SYN2: variants seen among roughly 807,000 people sequenced by gnomAD.
SYN2 encodes the protein synapsin-2.
SYN2 carries 19 observed loss-of-function variants against 50.9 expected under a neutral mutation model. That is an observed-to-expected ratio of 0.37 (90% CI 0.26 to 0.55). The LOEUF (loss-of-function observed/expected upper bound fraction) is 0.55, where lower values mean the gene tolerates loss of function less well. Among genes scored for constraint, SYN2 ranks in the 20% least tolerant of loss-of-function variants. The probability of loss-of-function intolerance (pLI) is 0.81; values close to 1 mark genes in which losing one functional copy is unlikely to be tolerated. For missense variants in SYN2, 587 were observed against 576.4 expected, an observed-to-expected ratio of 1.02 and a Z score of -0.19; for synonymous variants, 255 against 224.9, an observed-to-expected ratio of 1.13 and a Z score of -1.20.
intron 1 of SYN2, among the ~76,000 whole-genome samples, chr3:12,018,793 C>G (rs1401221275): frequency 1.3e-5 from 2 of 152,184 alleles, no homozygotes; most frequent in Non-Finnish European, 2.9e-5. Context: ...GTAACAAAAA[C>G]AACAGATTTC....
At chr3:12,157,145 GT>G (rs1477992037) in intron 5 of SYN2, among the ~76,000 whole-genome samples, 4 of 152,122 alleles carry the variant, frequency 2.6e-5, no homozygotes, top group Non-Finnish European at 4.4e-5. Context: ...ATTCCAGTAG[GT>G]ACCTGTAGTG....
In SYN2 at chr3:12,136,085, A is replaced by G. The variant is rs534815694; in HGVS notation, c.378-4566A>G. ...TAGACAACCGACTTTGAAAGGTGGT[A>G]TCAGATGATGATGCTGTGAGCCAAA... is the stretch of plus-strand genomic sequence containing the variant. On this transcript the variant is annotated intron_variant, in intron 1 of 12. Coordinates refer to ENST00000621198, the MANE Select transcript of SYN2 (RefSeq NM_133625.6). Among the ~76,000 whole-genome samples, 4 of 152,366 alleles carry G rather than the reference A, an allele frequency of 2.6e-5. No individual in the cohort carries two copies. The East Asian group carries it at 5.8e-4, about 22-fold the overall frequency.
chr3:12,169,679 C>T, intron 9 of SYN2, 78 bp from the exon 10 acceptor site: 1 of 1,542,586 alleles, frequency 6.5e-7, no homozygotes, highest in East Asian at 2.3e-5. Context: ...GGCTTAATTC[C>T]TACCCATTCT....
intron 3 of SYN2, among the ~76,000 whole-genome samples, chr3:12,144,432 A>G (rs980788814): frequency 2.1e-4 from 32 of 152,312 alleles, no homozygotes; most frequent in African/African-American, 7.0e-4. Flanking sequence ...TTAAGGAGTC[A>G]GAAAAGAACA....
At chr3:12,068,703 T>A (rs1055159770) in intron 1 of SYN2, among the ~76,000 whole-genome samples, 3 of 152,190 alleles carry the variant, frequency 2.0e-5, no homozygotes, top group African/African-American at 7.2e-5. Flanking sequence ...TCTGTATTTT[T>A]AGGAAGATTT....
intron 1 of SYN2, among the ~76,000 whole-genome samples, chr3:12,087,120 A>T (rs1260777690): frequency 1.3e-5 from 2 of 152,222 alleles, no homozygotes; most frequent in East Asian, 1.9e-4. Context: ...ATAACATCAA[A>T]AAATAAATAA....
At chr3:12,173,785 G>T (rs557560544) in intron 10 of SYN2, among the ~76,000 whole-genome samples, 1 of 152,190 alleles carries the variant, frequency 6.6e-6, no homozygotes, top group East Asian at 1.9e-4. Context: ...ATGGTGGCAG[G>T]TGTCTGTAAT....
intron 1 of SYN2, among the ~76,000 whole-genome samples, chr3:12,052,919 T>G (rs544882926): frequency 7.9e-5 from 12 of 152,220 alleles, no homozygotes; most frequent in Non-Finnish European, 1.6e-4. Flanking sequence ...ACTTTGAGCT[T>G]GCTGCTGGTT....
chr3:12,068,339 C>G (rs921334874), intron 1 of SYN2, among the ~76,000 whole-genome samples: 1 of 152,184 alleles, frequency 6.6e-6, no homozygotes, highest in African/African-American at 2.4e-5. Flanking sequence ...CAGTATTGCT[C>G]CTGGGAAGTT....
At position 12,151,309 on chromosome 3, in the gene SYN2, C is replaced by G. The variant is rs746161792; in HGVS notation, c.757C>G (p.Pro253Ala). Residue 253 changes from proline to alanine, a missense_variant, in exon 5 of 13, where the codon CCC becomes GCC. Coordinates refer to ENST00000621198, the MANE Select transcript of SYN2 (RefSeq NM_133625.6). ...CCCTCTCATTGAACAGACATACTAC[C>G]CCAACCACAAAGAGATGGTAAGTGG... ...KFPLIEQTYY[P>A]NHKEMLTLPT... The G allele has an allele frequency of 1.7e-5, 28 of 1,612,996 alleles. No individual in the cohort carries two copies. In the Admixed American group the frequency reaches 4.0e-4, roughly 23 times the overall value.
chr3:12,172,731 A>G (rs1697964724), intron 10 of SYN2, among the ~76,000 whole-genome samples: 1 of 152,190 alleles, frequency 6.6e-6, no homozygotes, highest in Non-Finnish European at 1.5e-5. Context: ...AGGTCAGAAT[A>G]ATACCATGTG....
chr3:12,183,732 C>T lies in SYN2; in HGVS notation c.1369+360C>T. 6 of 1,192,268 alleles carry T rather than the reference C, an allele frequency of 5.0e-6. No individual in the cohort carries two copies. The South Asian group carries it at 1.2e-4, about 24-fold the overall frequency. 73.9% of individuals were successfully genotyped at this position (1,192,268 alleles called of 1,614,324 possible). On this transcript the variant is annotated intron_variant, in intron 11 of 12. Transcript: ENST00000621198. ...TCTCCCAAGTCCAGTGTGACTTTAT[C>T]TTCTGGGTGGTTTGATAGTGTTTTT...
chr3:12,064,026 C>T (rs1410056024), intron 1 of SYN2, among the ~76,000 whole-genome samples: 1 of 151,788 alleles, frequency 6.6e-6, no homozygotes, highest in Non-Finnish European at 1.5e-5. Flanking sequence ...AACACTCCCT[C>T]AGTCAGGTGA....
intron 1 of SYN2, among the ~76,000 whole-genome samples, chr3:12,046,429 A>G (rs923585672): frequency 6.6e-6 from 1 of 152,196 alleles, no homozygotes; most frequent in Non-Finnish European, 1.5e-5. Flanking sequence ...AGAATGTGTG[A>G]GATGAGGCTA....
chr3:12,056,694 A>AG (rs1345297280), intron 1 of SYN2, among the ~76,000 whole-genome samples: 1 of 152,180 alleles, frequency 6.6e-6, no homozygotes, highest in Non-Finnish European at 1.5e-5. Context: ...GGTAATGAGT[A>AG]GGGGGCAGGA....
chr3:12,169,733 C>T, intron 9 of SYN2, 24 bp from the exon 10 acceptor site: 2 of 1,613,090 alleles, frequency 1.2e-6, no homozygotes, highest in Non-Finnish European at 1.7e-6. Flanking sequence ...CCCCTTTCCT[C>T]ACCTGGGACA....
intron 1 of SYN2, among the ~76,000 whole-genome samples, chr3:12,136,492 T>G (rs2125213291): frequency 6.6e-6 from 1 of 152,336 alleles, no homozygotes; most frequent in East Asian, 1.9e-4. Context: ...CTTCCCTGGC[T>G]TCTATTTCTA....
intron 1 of SYN2, among the ~76,000 whole-genome samples, chr3:12,139,399 A>T (rs1278873050): frequency 1.3e-5 from 2 of 152,160 alleles, no homozygotes; most frequent in African/African-American, 4.8e-5. Context: ...GTGTGAGCAG[A>T]GATGGAGAGA....
intron 1 of SYN2, among the ~76,000 whole-genome samples, chr3:12,127,166 C>T (rs1696689078): frequency 6.6e-6 from 1 of 152,136 alleles, no homozygotes; most frequent in African/African-American, 2.4e-5. Flanking sequence ...GGCTAACCAG[C>T]TTGAGTTGGT....
Sources: allele counts gnomAD v4.1 joint callset (sites outside exome capture counted in the v4.1 genomes callset), GRCh38; gene constraint gnomAD v4.1.1; transcripts MANE v1.5; gene names NCBI Gene and HGNC (gene_info 2026-07-23, HGNC 2026-07-21).